The following SP4 variants were observed in gnomAD, a reference collection of about 807,000 sequenced individuals.
SP4 encodes Sp4 transcription factor.
A neutral mutation model predicts 72.8 loss-of-function variants in SP4; 19 were observed. The ratio of observed to expected loss-of-function variants is 0.26; its 90% CI spans 0.18 to 0.38. SP4 has a LOEUF of 0.38. Ranked by LOEUF, SP4 falls within the 10% of genes least tolerant of loss-of-function variation. The pLI is 1.00. For synonymous variants in SP4, 395 were observed against 333.1 expected (o/e 1.19, Z -2.02); for missense variants, 1,008 against 926.3 (o/e 1.09, Z -1.14).
chr7:21,439,908 T>G (rs925959119), intron 3 of SP4, among the ~76,000 whole-genome samples: 3 of 152,100 alleles, frequency 2.0e-5, no homozygotes, highest in Non-Finnish European at 4.4e-5. Context: ...CTCTTAAAAA[T>G]ATGTCTCTCT....
At chr7:21,460,434 C>G (rs1783922465) in intron 3 of SP4, among the ~76,000 whole-genome samples, 1 of 151,942 alleles carries the variant, frequency 6.6e-6, no homozygotes, top group African/African-American at 2.4e-5. Context: ...AGTGAAGCTG[C>G]AGACCTTCGC....
At position 21,429,705 on chromosome 7, in the gene SP4, A is replaced by T. The variant is rs749992860; in HGVS notation, c.540A>T (p.Gln180His). The change falls in exon 3 of 6, where the codon CAA (glutamine) becomes CAT (histidine). Residue 180 changes from glutamine (Q) to histidine (H), a missense_variant. Gln to His is a conservative substitution (Grantham distance 24). Coordinates refer to ENST00000222584, the MANE Select transcript of SP4 (RefSeq NM_003112.5). The stretch of plus-strand genomic sequence containing the variant: ...AGACAGTGGAAGGTCAACAAATTCA[A>T]ATCAATCCAACTAGTAGTTCATCTC... ...QLQTVEGQQI[Q>H]INPTSSSSLQ... 3 of 1,614,158 alleles carry T rather than the reference A, an allele frequency of 1.9e-6. No individual in the cohort carries two copies. Among genetic ancestry groups the T allele is most frequent in the Non-Finnish European group, 2.5e-6 (3 of 1,180,024 alleles).
At chr7:21,476,066 T>A (rs1331324445) in intron 3 of SP4, among the ~76,000 whole-genome samples, 1 of 151,580 alleles carries the variant, frequency 6.6e-6, no homozygotes, top group Non-Finnish European at 1.5e-5. Flanking sequence ...AGGTCAGGAG[T>A]TTGAGACCAG....
intron 5 of SP4, among the ~76,000 whole-genome samples, chr7:21,491,318 AAG>A (rs1784972360): frequency 6.6e-6 from 1 of 152,228 alleles, no homozygotes. Context: ...TAATAGAGGA[AAG>A]AGTCAGTGAG....
chr7:21,432,444 GATTA>G (rs777360632), intron 3 of SP4, among the ~76,000 whole-genome samples: 22 of 152,318 alleles, frequency 1.4e-4, no homozygotes, highest in African/African-American at 5.1e-4. Context: ...AGTGAGTTGT[GATTA>G]ATTAAGAGAA....
At chr7:21,497,492 A>G (rs1212234955) in intron 5 of SP4, among the ~76,000 whole-genome samples, 1 of 151,278 alleles carries the variant, frequency 6.6e-6, no homozygotes, top group East Asian at 2.1e-4. Context: ...GTTGCTTTTG[A>G]CAGTTTTTTT....
At chr7:21,503,442 G>C (rs997488646) in intron 5 of SP4, among the ~76,000 whole-genome samples, 5 of 152,174 alleles carry the variant, frequency 3.3e-5, no homozygotes, top group Non-Finnish European at 5.9e-5. Flanking sequence ...TATGCTTTGT[G>C]AGAGTTTGAG....
chr7:21,472,074 A>G (rs1278468966), intron 3 of SP4, among the ~76,000 whole-genome samples: 1 of 152,142 alleles, frequency 6.6e-6, no homozygotes, highest in South Asian at 2.1e-4. Flanking sequence ...GCTTGTGAGG[A>G]TTCAGGTGGA....
intron 3 of SP4, among the ~76,000 whole-genome samples, chr7:21,461,454 G>A (rs762647905): frequency 6.6e-6 from 1 of 152,192 alleles, no homozygotes; most frequent in African/African-American, 2.4e-5. Flanking sequence ...GGGACCCGGC[G>A]CATCCTCCGC....
At position 21,502,074 on chromosome 7, in the gene SP4, A is replaced by C. The variant is rs545113656; in HGVS notation, c.2108-8948A>C. On this transcript the variant is annotated intron_variant, in intron 5 of 5. Coordinates refer to ENST00000222584, the MANE Select transcript of SP4 (RefSeq NM_003112.5). ...CCCCCGGAACTCCTATAGAGTTAAC[A>C]TATATATTGGGATCAAAAGATACGT... Among the ~76,000 whole-genome samples, 10 of 122,188 alleles carry C rather than the reference A, an allele frequency of 8.2e-5. No homozygotes were observed. In the East Asian group the frequency reaches 2.9e-3, roughly 36 times the overall value. 80.2% of individuals were successfully genotyped at this position (122,188 alleles called of 152,430 possible).
intron 5 of SP4, among the ~76,000 whole-genome samples, chr7:21,503,079 TA>T (rs1781909905): frequency 6.6e-6 from 1 of 152,082 alleles, no homozygotes; most frequent in Non-Finnish European, 1.5e-5. Context: ...GAGCACTTGA[TA>T]GGGACCTTCC....
intron 3 of SP4, among the ~76,000 whole-genome samples, chr7:21,465,498 T>C (rs1401319072): frequency 6.6e-6 from 1 of 152,194 alleles, no homozygotes; most frequent in Non-Finnish European, 1.5e-5. Context: ...AAGACAGCAT[T>C]AGACAAAGTA....
chr7:21,476,312 A>G (rs886743702), intron 3 of SP4, among the ~76,000 whole-genome samples: 59 of 149,352 alleles, frequency 4.0e-4, no homozygotes, highest in African/African-American at 1.4e-3. Flanking sequence ...GTATTTCAGG[A>G]TAATGTTAAG....
At chr7:21,468,096 AAAG>A (rs1343954274) in intron 3 of SP4, among the ~76,000 whole-genome samples, 1 of 152,134 alleles carries the variant, frequency 6.6e-6, no homozygotes, top group Non-Finnish European at 1.5e-5. Context: ...GTCTTTTCCA[AAAG>A]AAGAAATAAG....
At chr7:21,506,932 G>A (rs1013712866) in intron 5 of SP4, among the ~76,000 whole-genome samples, 6 of 152,130 alleles carry the variant, frequency 3.9e-5, no homozygotes, top group Non-Finnish European at 7.4e-5. Flanking sequence ...ACATTTGGGC[G>A]CAGTCCCTGG....
At chr7:21,496,581 C>G (rs979847489) in intron 5 of SP4, among the ~76,000 whole-genome samples, 2 of 152,152 alleles carry the variant, frequency 1.3e-5, no homozygotes, top group Non-Finnish European at 2.9e-5. Context: ...TTGTCTTTGT[C>G]TTTCAGCAGT....
chr7:21,504,910 A>G (rs1475731269), intron 5 of SP4, among the ~76,000 whole-genome samples: 1 of 152,142 alleles, frequency 6.6e-6, no homozygotes, highest in Admixed American at 6.5e-5. Flanking sequence ...AGGCAAAAGC[A>G]ACAGATTCCC....
At chr7:21,449,104 G>T (rs2128397701) in intron 3 of SP4, among the ~76,000 whole-genome samples, 1 of 152,256 alleles carries the variant, frequency 6.6e-6, no homozygotes, top group East Asian at 1.9e-4. Context: ...TAGACCACCT[G>T]CTCTAATCAC....
chr7:21,481,258 A>G (rs946183323), intron 4 of SP4, among the ~76,000 whole-genome samples: 11 of 152,202 alleles, frequency 7.2e-5, no homozygotes, highest in African/African-American at 2.7e-4. Flanking sequence ...TCCTGGGGCC[A>G]TACTCCTCTG....
Sources: allele counts gnomAD v4.1 joint callset (sites outside exome capture counted in the v4.1 genomes callset), GRCh38; gene constraint gnomAD v4.1.1; transcripts MANE v1.5; gene names NCBI Gene and HGNC (gene_info 2026-07-23, HGNC 2026-07-21).